DACH1: variants seen among roughly 807,000 people sequenced by gnomAD.
The protein encoded by DACH1 is dachshund family transcription factor 1.
A neutral mutation model predicts 54.2 loss-of-function variants in DACH1; 12 were observed. That is an observed-to-expected ratio of 0.22 (90% CI 0.14 to 0.36). The LOEUF is 0.36. Ranked by LOEUF, DACH1 falls within the 10% of genes least tolerant of loss-of-function variation. The pLI, the probability that DACH1 is intolerant of heterozygous loss-of-function variation, is 1.00. For missense variants in DACH1, 805 were observed against 929.8 expected (o/e 0.87, Z 1.75); for synonymous variants, 386 against 366.2 (o/e 1.05, Z -0.62).
chr13:71,726,914 C>T (rs1252261332), intron 1 of DACH1, among the ~76,000 whole-genome samples: 2 of 151,746 alleles, frequency 1.3e-5, no homozygotes, highest in African/African-American at 4.8e-5. Context: ...TAAAAGTAAT[C>T]GAATTTAGAG....
intron 1 of DACH1, among the ~76,000 whole-genome samples, chr13:71,856,054 T>G (rs1054506061): frequency 1.3e-5 from 2 of 151,962 alleles, no homozygotes; most frequent in African/African-American, 4.8e-5. Flanking sequence ...CACTTTGGCT[T>G]AACTGTGAAA....
At chr13:71,770,127 T>C (rs985745023) in intron 1 of DACH1, among the ~76,000 whole-genome samples, 1 of 151,732 alleles carries the variant, frequency 6.6e-6, no homozygotes, top group African/African-American at 2.4e-5. Flanking sequence ...TGTCACTGTG[T>C]CATATTAAGT....
chr13:71,860,147 A>C (rs1213078155), intron 1 of DACH1, among the ~76,000 whole-genome samples: 1 of 151,540 alleles, frequency 6.6e-6, no homozygotes, highest in African/African-American at 2.4e-5. Context: ...CTTAGCTAGA[A>C]TATTCAAACT....
At chr13:71,754,503 G>T (rs1311247456) in intron 1 of DACH1, among the ~76,000 whole-genome samples, 1 of 152,108 alleles carries the variant, frequency 6.6e-6, no homozygotes, top group Non-Finnish European at 1.5e-5. Flanking sequence ...AAGTAGGTCA[G>T]CACTAAGAGT....
At chr13:71,604,995 C>T (rs1359039799) in intron 3 of DACH1, among the ~76,000 whole-genome samples, 1 of 151,802 alleles carries the variant, frequency 6.6e-6, no homozygotes, top group African/African-American at 2.4e-5. Flanking sequence ...TAAATGTATA[C>T]ATGCATAAGC....
At position 71,664,230 on chromosome 13, in the gene DACH1, T is replaced by A. The variant is rs570274230; in HGVS notation, c.964+17565A>T. 1.1e-4 allele frequency among the ~76,000 whole-genome samples: 16 copies of A among 152,120 alleles called. No individual in the cohort carries two copies. The South Asian group carries it at 3.3e-3, about 32-fold the overall frequency. On this transcript the variant is annotated intron_variant, in intron 2 of 10. Coordinates refer to ENST00000613252, the MANE Select transcript of DACH1 (RefSeq NM_080759.6). ...TTCACTTTAAGACAACTGTCAAAATTAAGCAGAGGTGAGTCAAGTCAAGGT... is the reference window on the plus strand; with the variant it reads ...TTCACTTTAAGACAACTGTCAAAATAAAGCAGAGGTGAGTCAAGTCAAGGT...
intron 6 of DACH1, among the ~76,000 whole-genome samples, chr13:71,513,565 T>G (rs535727192): frequency 6.6e-6 from 1 of 152,172 alleles, no homozygotes; most frequent in African/African-American, 2.4e-5. Context: ...ACCATGCTAT[T>G]ATGGAACAGA....
chr13:71,557,842 T>TA (rs569104411), intron 5 of DACH1, among the ~76,000 whole-genome samples: 1,432 of 87,974 alleles, frequency 0.016, 17 homozygotes, highest in African/African-American at 0.04. Flanking sequence ...TGGCCTGTAC[T>TA]AAAAAAAAAA....
intron 6 of DACH1, among the ~76,000 whole-genome samples, chr13:71,532,559 G>A (rs1882484504): frequency 6.6e-6 from 1 of 151,906 alleles, no homozygotes; most frequent in Non-Finnish European, 1.5e-5. Context: ...AAAAATGTAT[G>A]CTACTGATGA....
intron 1 of DACH1, among the ~76,000 whole-genome samples, chr13:71,793,227 T>C (rs1015489702): frequency 3.9e-5 from 6 of 152,192 alleles, no homozygotes; most frequent in African/African-American, 1.4e-4. Flanking sequence ...TTCTCAGTTA[T>C]CTTTGAGTTA....
intron 3 of DACH1, among the ~76,000 whole-genome samples, chr13:71,603,551 A>T (rs890052018): frequency 2.0e-5 from 3 of 151,914 alleles, no homozygotes; most frequent in African/African-American, 7.2e-5. Context: ...CTCTCTGCAG[A>T]GTTGTGATAG....
At chr13:71,697,827 T>C (rs1881906485) in intron 1 of DACH1, among the ~76,000 whole-genome samples, 3 of 152,214 alleles carry the variant, frequency 2.0e-5, no homozygotes, top group Admixed American at 6.5e-5. Context: ...GCTATATTAA[T>C]TTTAAAAATG....
chr13:71,770,394 T>A (rs2138033448), intron 1 of DACH1, among the ~76,000 whole-genome samples: 1 of 151,776 alleles, frequency 6.6e-6, no homozygotes, highest in Middle Eastern at 3.4e-3. Context: ...TCACCTCTTT[T>A]AAAAATTATC....
chr13:71,772,054 C>T (rs1885879143), intron 1 of DACH1, among the ~76,000 whole-genome samples: 1 of 151,538 alleles, frequency 6.6e-6, no homozygotes, highest in East Asian at 1.9e-4. Context: ...ATTTTCTGAA[C>T]TGTACATGTA....
chr13:71,841,962 C>T (rs1326213415), intron 1 of DACH1, among the ~76,000 whole-genome samples: 4 of 152,066 alleles, frequency 2.6e-5, no homozygotes, highest in Non-Finnish European at 5.9e-5. Context: ...TTTCATCTTG[C>T]TGGTTAGGCA....
chr13:71,712,654 T>C (rs1294131430), intron 1 of DACH1, among the ~76,000 whole-genome samples: 1 of 152,164 alleles, frequency 6.6e-6, no homozygotes, highest in African/African-American at 2.4e-5. Flanking sequence ...CTATTACATA[T>C]CACAACTTCT....
At chr13:71,686,508 T>C (rs1881172771) in intron 1 of DACH1, among the ~76,000 whole-genome samples, 1 of 152,200 alleles carries the variant, frequency 6.6e-6, no homozygotes, top group Non-Finnish European at 1.5e-5. Context: ...GGTCCATTTA[T>C]TGTTTTTATT....
intron 3 of DACH1, among the ~76,000 whole-genome samples, chr13:71,585,153 A>C (rs755627865): frequency 4.6e-5 from 7 of 152,186 alleles, no homozygotes; most frequent in Non-Finnish European, 8.8e-5. Context: ...GACAAAGCAG[A>C]TGAAACTTTA....
At chr13:71,511,952 C>T (rs1395360932) in intron 6 of DACH1, among the ~76,000 whole-genome samples, 4 of 151,940 alleles carry the variant, frequency 2.6e-5, no homozygotes, top group African/African-American at 9.7e-5. Context: ...GTAATTATAT[C>T]CCTGCCTTGC....
Sources: allele counts gnomAD v4.1 joint callset (sites outside exome capture counted in the v4.1 genomes callset), GRCh38; gene constraint gnomAD v4.1.1; transcripts MANE v1.5; gene names NCBI Gene and HGNC (gene_info 2026-07-23, HGNC 2026-07-21).